The following COG5 variants were observed in gnomAD, a reference collection of about 807,000 sequenced individuals.
The protein encoded by COG5 is component of oligomeric golgi complex 5, also known as conserved oligomeric Golgi complex subunit 5.
In COG5, 86 loss-of-function variants were observed where a neutral mutation model predicts 110.4. The ratio of observed to expected loss-of-function variants is 0.78; its 90% CI spans 0.65 to 0.93. The LOEUF is 0.93. COG5 is among the 40% of genes least tolerant of loss of function. The probability of loss-of-function intolerance (pLI) is 0.00; values close to 1 mark genes in which losing one functional copy is unlikely to be tolerated. For missense variants in COG5, 1,077 were observed against 987.0 expected (o/e 1.09, Z -1.22); for synonymous variants, 360 against 334.6 (o/e 1.08, Z -0.83).
intron 1 of COG5, among the ~76,000 whole-genome samples, chr7:107,562,291 A>G (rs1803877535): frequency 6.6e-6 from 1 of 152,192 alleles, no homozygotes. Context: ...CCGTCCAAGA[A>G]CTGATTACAA....
intron 19 of COG5, among the ~76,000 whole-genome samples, chr7:107,228,629 A>G (rs781419519): frequency 6.6e-6 from 1 of 152,142 alleles, no homozygotes; most frequent in Non-Finnish European, 1.5e-5. Context: ...ATACTTAAAC[A>G]GTTTTAAAAA....
chr7:107,425,456 C>T (rs902999574), intron 6 of COG5, among the ~76,000 whole-genome samples: 25 of 150,658 alleles, frequency 1.7e-4, no homozygotes, highest in Non-Finnish European at 3.4e-4. Context: ...TACATGATAC[C>T]GTAACAACTT....
intron 7 of COG5, among the ~76,000 whole-genome samples, chr7:107,402,927 ATGTATT>A (rs1791545120): frequency 6.6e-6 from 1 of 152,248 alleles, no homozygotes. Flanking sequence ...AAGTTTATTT[ATGTATT>A]TTTCGTGTAG....
At chr7:107,423,734 A>G (rs1037890218) in intron 6 of COG5, among the ~76,000 whole-genome samples, 1 of 152,142 alleles carries the variant, frequency 6.6e-6, no homozygotes, top group African/African-American at 2.4e-5. Context: ...ATTAGCAAAC[A>G]GAATCTTGCA....
intron 6 of COG5, among the ~76,000 whole-genome samples, chr7:107,498,531 T>A (rs1229672810): frequency 6.6e-6 from 1 of 152,122 alleles, no homozygotes; most frequent in African/African-American, 2.4e-5. Context: ...ATCATTAATA[T>A]CTGACCAGTC....
chr7:107,357,200 A>G (rs1812702703), intron 10 of COG5, among the ~76,000 whole-genome samples: 1 of 152,192 alleles, frequency 6.6e-6, no homozygotes, highest in South Asian at 2.1e-4. Context: ...CAGCTTTATA[A>G]TAAAGATGTA....
intron 6 of COG5, among the ~76,000 whole-genome samples, chr7:107,425,274 C>T (rs1793566779): frequency 6.9e-6 from 1 of 145,592 alleles, no homozygotes; most frequent in Admixed American, 6.9e-5. Flanking sequence ...AAAATCAGGT[C>T]AATAAAGGGT....
intron 14 of COG5, among the ~76,000 whole-genome samples, chr7:107,259,593 G>A (rs1409136200): frequency 1.3e-5 from 2 of 152,004 alleles, no homozygotes; most frequent in African/African-American, 4.8e-5. Flanking sequence ...TCGGGGCAGG[G>A]GGGGTCAAAT....
At chr7:107,345,809 G>A (rs1470450732) in intron 10 of COG5, among the ~76,000 whole-genome samples, 1 of 152,046 alleles carries the variant, frequency 6.6e-6, no homozygotes, top group African/African-American at 2.4e-5. Flanking sequence ...CTATTTATAT[G>A]CCCACCTAAG....
chr7:107,406,648 A>G (rs1791859427), intron 7 of COG5, among the ~76,000 whole-genome samples: 1 of 152,160 alleles, frequency 6.6e-6, no homozygotes. Flanking sequence ...TAAAAAACAA[A>G]AAGCCTTTAA....
chr7:107,263,323 G>GT (rs1803526506), intron 14 of COG5, among the ~76,000 whole-genome samples: 1 of 152,192 alleles, frequency 6.6e-6, no homozygotes, highest in African/African-American at 2.4e-5. Context: ...ACATATGGTT[G>GT]TTTTTTCAAA....
chr7:107,413,110 G>A (rs192775589), intron 6 of COG5, among the ~76,000 whole-genome samples: 1 of 151,756 alleles, frequency 6.6e-6, no homozygotes, highest in African/African-American at 2.4e-5. Context: ...TCGAACTACT[G>A]GGCTCAAGCA....
chr7:107,282,614 C>T (rs578202571), intron 13 of COG5, among the ~76,000 whole-genome samples: 37 of 152,248 alleles, frequency 2.4e-4, no homozygotes, highest in East Asian at 5.8e-4. Flanking sequence ...CTTCGCCTCC[C>T]GGATTCAAGC....
rs763894254 is a variant in COG5 at position 107,467,342 on chromosome 7, T to A, written c.539-54710A>T. Among the ~76,000 whole-genome samples the A allele has an allele frequency of 2.6e-5, 4 of 152,084 alleles. No homozygotes were observed. In the South Asian group the frequency reaches 8.3e-4, roughly 32 times the overall value. ...TACGGAAACAAGGATCTTCATAAAT[T>A]GATAATCTGAAATTATTATTATTTT... On this transcript the variant is annotated intron_variant, in intron 6 of 21. Transcript: ENST00000297135.
chr7:107,558,004 C>G lies in COG5; in HGVS notation c.206G>C (p.Ser69Thr). Residue 69 changes from serine to threonine, a missense_variant, in exon 2 of 22, where the codon AGT (serine) becomes ACT (threonine). Physicochemically the swap from Ser to Thr is moderately conservative, Grantham distance 58. Coordinates refer to ENST00000297135, the MANE Select transcript of COG5 (RefSeq NM_006348.5). ...EQLAKLAQGI[S>T]QLDRELHLQV... The stretch of plus-strand genomic sequence containing the variant: ...TAAGTGTAGTTCTCTGTCCAACTGA[C>G]TGATTCCTTGGGCAAGTTTTGCTAG... 1.9e-6 allele frequency: 3 copies of G among 1,613,910 alleles called. No homozygotes were observed. Among genetic ancestry groups the G allele is most frequent in the Non-Finnish European group, 2.5e-6 (3 of 1,179,964 alleles).
chr7:107,209,025 T>C, intron 21 of COG5: 2 of 978,444 alleles, frequency 2.0e-6, no homozygotes, highest in Non-Finnish European at 2.4e-6. Flanking sequence ...GTGAGAGACC[T>C]GGGCACTAGG....
chr7:107,532,593 G>A (rs1427314751), intron 5 of COG5, among the ~76,000 whole-genome samples: 1 of 151,976 alleles, frequency 6.6e-6, no homozygotes, highest in African/African-American at 2.4e-5. Flanking sequence ...AGAATCTCAA[G>A]TTCATACTGA....
At chr7:107,236,327 A>T in intron 18 of COG5, 123 bp downstream of exon 18, 1 of 753,398 alleles carries the variant, frequency 1.3e-6, no homozygotes, top group Non-Finnish European at 2.4e-6. Flanking sequence ...ATTTATGCTT[A>T]AGTGGGCTTA....
chr7:107,446,753 C>T (rs1270997782), intron 6 of COG5, among the ~76,000 whole-genome samples: 2 of 152,112 alleles, frequency 1.3e-5, no homozygotes, highest in Non-Finnish European at 2.9e-5. Flanking sequence ...AAAGTACATC[C>T]TTCCACCACA....
Sources: allele counts gnomAD v4.1 joint callset (sites outside exome capture counted in the v4.1 genomes callset), GRCh38; gene constraint gnomAD v4.1.1; transcripts MANE v1.5; gene names NCBI Gene and HGNC (gene_info 2026-07-23, HGNC 2026-07-21).